The following NME7 variants were observed in gnomAD, a reference collection of about 807,000 sequenced individuals.
NME7 encodes NME/NM23 family member 7, also known as nucleoside diphosphate kinase 7.
NME7 carries 41 observed loss-of-function variants against 49.1 expected under a neutral mutation model. That is an observed-to-expected ratio of 0.83 (90% CI 0.65 to 1.08). NME7 has a LOEUF of 1.08. Among genes scored for constraint, NME7 ranks in the 50% least tolerant of loss-of-function variants. NME7 has a pLI of 0.00. For synonymous variants in NME7, 139 were observed against 150.6 expected (o/e 0.92, Z 0.56); for missense variants, 423 against 463.4 (o/e 0.91, Z 0.80).
Position 169,235,156 on chromosome 1 carries a change from T to A in NME7, c.863A>T (p.Tyr288Phe), listed in dbSNP as rs1647806726. 6.5e-7 allele frequency: 1 copy of A among 1,539,194 alleles called. No individual in the cohort carries two copies. The highest frequency in any genetic ancestry group is 1.2e-5 in the South Asian group (1 of 86,444). ...ATGATATTCGGTCACTACTCCTTTA[T>A]AAACTTCATAGAATTCCTCAACATT... ...RVNVEEFYEV[Y>F]KGVVTEYHDM... is the part of the protein sequence containing the mutation. The change falls in exon 9 of 12, where the codon TAT (tyrosine) becomes TTT (phenylalanine). Residue 288 changes from tyrosine to phenylalanine, a missense_variant. Transcript: ENST00000367811.
intron 10 of NME7, among the ~76,000 whole-genome samples, chr1:169,227,585 T>C (rs1471443250): frequency 6.6e-6 from 1 of 152,234 alleles, no homozygotes; most frequent in Non-Finnish European, 1.5e-5. Context: ...AAGACCTTAC[T>C]GTGTCATAAC....
intron 7 of NME7, among the ~76,000 whole-genome samples, chr1:169,261,013 A>C (rs1234949039): frequency 7.5e-6 from 1 of 133,466 alleles, no homozygotes; most frequent in East Asian, 2.0e-4. Flanking sequence ...CATGTGTGTC[A>C]GGTTGCCTCA....
At chr1:169,261,729 G>A (rs1436520849) in intron 7 of NME7, among the ~76,000 whole-genome samples, 1 of 133,624 alleles carries the variant, frequency 7.5e-6, no homozygotes, top group Non-Finnish European at 1.8e-5. Flanking sequence ...AGTGGCTCTT[G>A]TACTGGGTGT....
At chr1:169,295,572 C>G (rs1450310648) in intron 6 of NME7, among the ~76,000 whole-genome samples, 1 of 152,144 alleles carries the variant, frequency 6.6e-6, no homozygotes, top group Non-Finnish European at 1.5e-5. Flanking sequence ...TATAATTGCT[C>G]TCTTGCATGT....
intron 6 of NME7, among the ~76,000 whole-genome samples, chr1:169,294,438 G>T (rs1363593907): frequency 6.6e-6 from 1 of 152,090 alleles, no homozygotes; most frequent in African/African-American, 2.4e-5. Context: ...AAAATAGTGA[G>T]TATAAGTCTA....
intron 7 of NME7, chr1:169,284,730 G>A (rs1650201179): frequency 6.6e-6 from 1 of 152,116 alleles, no homozygotes; most frequent in East Asian, 1.9e-4. Flanking sequence ...TTACATTTAA[G>A]TCTTTAATTC....
At chr1:169,280,479 T>C (rs1295792325) in intron 7 of NME7, among the ~76,000 whole-genome samples, 1 of 150,396 alleles carries the variant, frequency 6.6e-6, no homozygotes, top group Non-Finnish European at 1.5e-5. Flanking sequence ...CATATGTCAA[T>C]TATGGCTTTT....
At chr1:169,209,411 A>T (rs1660755552) in intron 10 of NME7, among the ~76,000 whole-genome samples, 1 of 152,092 alleles carries the variant, frequency 6.6e-6, no homozygotes, top group Non-Finnish European at 1.5e-5. Flanking sequence ...TACTGTATAT[A>T]TTCCAAAATA....
At chr1:169,245,254 G>A (rs903221366) in intron 7 of NME7, among the ~76,000 whole-genome samples, 4 of 152,016 alleles carry the variant, frequency 2.6e-5, no homozygotes, top group Admixed American at 6.6e-5. Context: ...GAAAAATATC[G>A]TTACCATGAA....
At chr1:169,348,746 T>C (rs1653040392) in intron 1 of NME7, among the ~76,000 whole-genome samples, 1 of 152,102 alleles carries the variant, frequency 6.6e-6, no homozygotes, top group South Asian at 2.1e-4. Flanking sequence ...CATTAAACCA[T>C]AGTAATTTTG....
chr1:169,304,759 C>G (rs1421151456), intron 4 of NME7, among the ~76,000 whole-genome samples: 4 of 152,136 alleles, frequency 2.6e-5, no homozygotes, highest in African/African-American at 9.7e-5. Flanking sequence ...AAGATTTGAA[C>G]CCAAAGCTCT....
chr1:169,230,872 C>T, intron 9 of NME7, 53 bp from the exon 10 acceptor site: 1 of 1,263,536 alleles, frequency 7.9e-7, no homozygotes, highest in South Asian at 1.6e-5. Flanking sequence ...TTTAACTCTC[C>T]CCTTTTAATT....
In NME7 at chr1:169,169,572, A is replaced by C. The variant is rs1043657665; in HGVS notation, c.991-18T>G. 6 of 1,599,362 alleles carry C rather than the reference A, an allele frequency of 3.8e-6. No individual in the cohort carries two copies. The highest frequency in any genetic ancestry group is 5.1e-6 in the Non-Finnish European group (6 of 1,167,052). On this transcript the variant is annotated intron_variant, in intron 10 of 11. Transcript: ENST00000367811. ...GCAATTTCCTATTAAACATACATTC[A>C]CATATAGATTAATGTTAGTCATATG...
At chr1:169,320,324 G>A (rs991148792) in intron 3 of NME7, among the ~76,000 whole-genome samples, 2 of 152,154 alleles carry the variant, frequency 1.3e-5, no homozygotes, top group African/African-American at 2.4e-5. Context: ...AAAGGGAATT[G>A]GAAAGCTGAA....
At chr1:169,290,857 T>C (rs1291115982) in intron 6 of NME7, among the ~76,000 whole-genome samples, 1 of 151,946 alleles carries the variant, frequency 6.6e-6, no homozygotes, top group Non-Finnish European at 1.5e-5. Context: ...GTGGGCAAAG[T>C]ATATGAACAG....
At chr1:169,354,727 CACAT>C (rs1289000823) in intron 1 of NME7, among the ~76,000 whole-genome samples, 1 of 141,292 alleles carries the variant, frequency 7.1e-6, no homozygotes, top group Non-Finnish European at 1.5e-5. Context: ...TATATATACA[CACAT>C]ACACACACCT....
At chr1:169,293,401 G>C (rs542209954) in intron 6 of NME7, among the ~76,000 whole-genome samples, 1 of 151,680 alleles carries the variant, frequency 6.6e-6, no homozygotes, top group East Asian at 1.9e-4. Flanking sequence ...AACTTAAGAA[G>C]TTAATTTACA....
At chr1:169,278,135 C>A (rs907192532) in intron 7 of NME7, among the ~76,000 whole-genome samples, 8 of 150,880 alleles carry the variant, frequency 5.3e-5, no homozygotes, top group African/African-American at 1.9e-4. Context: ...TCCTTCATTT[C>A]AACTTTGGTG....
rs74734624 is a variant in NME7 at position 169,223,537 on chromosome 1, G to A, written c.990+7181C>T. ...TTACTTAGATGCTCAAATTGGTTTCGATTCAACTAGTGGAACCCCTTCAAG... is the reference window on the plus strand; with the variant it reads ...TTACTTAGATGCTCAAATTGGTTTCAATTCAACTAGTGGAACCCCTTCAAG... On this transcript the variant is annotated intron_variant, in intron 10 of 11. Coordinates refer to ENST00000367811, the MANE Select transcript of NME7 (RefSeq NM_013330.5). 6.2e-3 allele frequency among the ~76,000 whole-genome samples: 936 copies of A among 152,096 alleles called. 7 individuals are homozygous for A. Among genetic ancestry groups the A allele is most frequent in the African/African-American group, 0.021 (866 of 41,480 alleles).
Sources: allele counts gnomAD v4.1 joint callset (sites outside exome capture counted in the v4.1 genomes callset), GRCh38; gene constraint gnomAD v4.1.1; transcripts MANE v1.5; gene names NCBI Gene and HGNC (gene_info 2026-07-23, HGNC 2026-07-21).